DCLK1: variants seen among roughly 807,000 people sequenced by gnomAD.
DCLK1 encodes serine/threonine-protein kinase DCLK1.
A neutral mutation model predicts 86.2 loss-of-function variants in DCLK1; 16 were observed. That is an observed-to-expected ratio of 0.19 (90% CI 0.13 to 0.28). DCLK1 has a LOEUF of 0.28. DCLK1 is among the 10% of genes least tolerant of loss of function. The pLI is 1.00. For synonymous variants in DCLK1, 369 were observed against 370.5 expected (o/e 1.00, Z 0.05); for missense variants, 590 against 940.2 (o/e 0.63, Z 4.87).
intron 15 of DCLK1, among the ~76,000 whole-genome samples, chr13:35,797,201 A>G (rs1344452097): frequency 1.3e-5 from 2 of 152,190 alleles, no homozygotes; most frequent in African/African-American, 2.4e-5. Context: ...ATGGGGAAAG[A>G]TAGCTGGGTT....
At chr13:35,955,993 T>C (rs1298727922) in intron 3 of DCLK1, among the ~76,000 whole-genome samples, 2 of 152,194 alleles carry the variant, frequency 1.3e-5, no homozygotes. Flanking sequence ...CCTGGTCTTT[T>C]GCCAAGTTAA....
intron 1 of DCLK1, among the ~76,000 whole-genome samples, chr13:36,130,546 G>A (rs1178136187): frequency 6.6e-6 from 1 of 152,128 alleles, no homozygotes; most frequent in Non-Finnish European, 1.5e-5. Flanking sequence ...AGCACTGCAG[G>A]TACTAATTTG....
chr13:35,874,417 A>G (rs1420928582), intron 4 of DCLK1, among the ~76,000 whole-genome samples: 2 of 152,168 alleles, frequency 1.3e-5, no homozygotes, highest in Non-Finnish European at 2.9e-5. Flanking sequence ...GGGGGAAAAG[A>G]AGAGGGAATA....
At chr13:35,781,699 A>G (rs2086528709) in intron 16 of DCLK1, among the ~76,000 whole-genome samples, 1 of 152,290 alleles carries the variant, frequency 6.6e-6, no homozygotes, top group Middle Eastern at 3.4e-3. Context: ...ATAAAAGAAC[A>G]TTATTGTGCA....
In DCLK1 at chr13:35,977,068, A is replaced by C. The variant is rs574120976; in HGVS notation, c.724-29611T>G. On this transcript the variant is annotated intron_variant, in intron 3 of 16. Transcript: ENST00000360631. ...AGCTTCATTTGTGAAACTTGCATCC[A>C]CTCCAGATGTTAAGAAATGACAAAA... Among the ~76,000 whole-genome samples the C allele has an allele frequency of 4.6e-5, 7 of 152,118 alleles. No individual in the cohort carries two copies. In the East Asian group the frequency reaches 1.4e-3, roughly 29 times the overall value.
intron 3 of DCLK1, among the ~76,000 whole-genome samples, chr13:36,110,827 AT>A (rs869131031): frequency 0.014 from 1,738 of 120,118 alleles, 11 homozygotes; most frequent in East Asian, 0.046. Context: ...CATATAATCA[AT>A]TTTTTTTTTT....
At chr13:35,786,426 T>C (rs536902978) in intron 16 of DCLK1, among the ~76,000 whole-genome samples, 2 of 152,310 alleles carry the variant, frequency 1.3e-5, no homozygotes, top group East Asian at 3.9e-4. Context: ...GAGCATGGTG[T>C]GATTCGATTT....
At chr13:35,991,008 T>C (rs1044320635) in intron 3 of DCLK1, among the ~76,000 whole-genome samples, 4 of 152,170 alleles carry the variant, frequency 2.6e-5, no homozygotes. Flanking sequence ...TACCCTCTCC[T>C]TGGTGATGGA....
chr13:36,045,332 G>GTATATATATATATATATA (rs1174545505), intron 3 of DCLK1, among the ~76,000 whole-genome samples: 1 of 55,770 alleles, frequency 1.8e-5, no homozygotes, highest in Non-Finnish European at 3.2e-5. Context: ...GTGTGTGTGT[G>GTATATATATATATATATA]TATATATATA....
intron 4 of DCLK1, among the ~76,000 whole-genome samples, chr13:35,921,494 A>G (rs982698823): frequency 3.0e-4 from 45 of 152,322 alleles, no homozygotes; most frequent in African/African-American, 9.6e-4. Context: ...CCCAAACCTT[A>G]GATCCACAAT....
intron 4 of DCLK1, among the ~76,000 whole-genome samples, chr13:35,907,896 G>C (rs1438472072): frequency 6.7e-6 from 1 of 148,378 alleles, no homozygotes; most frequent in Admixed American, 6.7e-5. Flanking sequence ...CAATTTACAA[G>C]TAGGAGCTTT....
chr13:35,788,813 CTT>C (rs1380256393), intron 16 of DCLK1, among the ~76,000 whole-genome samples: 1 of 152,092 alleles, frequency 6.6e-6, no homozygotes, highest in Non-Finnish European at 1.5e-5. Context: ...AAAGGTGAAT[CTT>C]TTCTTTTCTT....
intron 2 of DCLK1, among the ~76,000 whole-genome samples, chr13:36,121,546 T>C (rs1029561751): frequency 6.6e-6 from 1 of 150,810 alleles, no homozygotes; most frequent in Non-Finnish European, 1.5e-5. Flanking sequence ...TATATTGTTA[T>C]AATTGTTCCA....
chr13:36,069,287 C>T lies in DCLK1; in HGVS notation c.723+42582G>A, dbSNP rs938723996. Among the ~76,000 whole-genome samples, 15 of 152,178 alleles carry T rather than the reference C, an allele frequency of 9.9e-5. 1 individual carries two copies. The highest frequency in any genetic ancestry group is 3.6e-4 in the African/African-American group (15 of 41,428). On this transcript the variant is annotated intron_variant, in intron 3 of 16. Transcript: ENST00000360631. ...CTGGATTCTTTTAAAACACAGTCCT[C>T]TTCCTGAATCCAAGCGATATTAAAT...
intron 6 of DCLK1, among the ~76,000 whole-genome samples, chr13:35,845,202 C>T (rs1278364327): frequency 1.3e-5 from 2 of 152,146 alleles, no homozygotes; most frequent in African/African-American, 2.4e-5. Context: ...GAGCCAAGAT[C>T]GCACCACTGC....
At chr13:35,788,286 C>T (rs1478206405) in intron 16 of DCLK1, 1 of 1,613,796 alleles carries the variant, frequency 6.2e-7, no homozygotes, top group African/African-American at 1.3e-5. Flanking sequence ...CGTGGTCCAG[C>T]TGAGCAGAGA....
At chr13:36,103,404 T>TAAAAAAAAAAAAAAAAA (rs71084406) in intron 3 of DCLK1, among the ~76,000 whole-genome samples, 1 of 109,096 alleles carries the variant, frequency 9.2e-6, no homozygotes, top group Non-Finnish European at 1.9e-5. Flanking sequence ...ACACCTGTCT[T>TAAAAAAAAAAAAAAAAA]AAAAAAAAAA....
chr13:35,861,239 GAAAA>G (rs66531212), intron 5 of DCLK1, among the ~76,000 whole-genome samples: 6,620 of 151,904 alleles, frequency 0.044, 496 homozygotes, highest in African/African-American at 0.15. Context: ...TGGGGTACAA[GAAAA>G]AAAATTTAAT....
rs187176264 is a variant in DCLK1, at chr13:35,906,865, C to A, written c.824-35525G>T. ...TGAAACTTGATTATGCAAATTGAGC[C>A]ATTCTTATCATACCCAACTAAGCCA... On this transcript the variant is annotated intron_variant, in intron 4 of 16. Coordinates refer to ENST00000360631, the MANE Select transcript of DCLK1 (RefSeq NM_001330071.2). 2.5e-3 allele frequency among the ~76,000 whole-genome samples: 379 copies of A among 152,256 alleles called. 3 individuals carry two copies. The highest frequency in any genetic ancestry group is 8.6e-3 in the African/African-American group (359 of 41,528).
Sources: gnomAD v4.1 joint callset for allele counts (sites outside exome capture counted in the v4.1 genomes callset) on GRCh38, gnomAD v4.1.1 for gene constraint, MANE v1.5 for transcripts, NCBI Gene and HGNC (gene_info 2026-07-23, HGNC 2026-07-21) for gene names.